PLD1: variants seen among roughly 807,000 people sequenced by gnomAD.
PLD1 encodes the protein choline phosphatase 1.
A neutral mutation model predicts 137.1 loss-of-function variants in PLD1; 112 were observed. The observed-to-expected ratio is 0.82, with a 90% confidence interval of 0.70 to 0.96. The LOEUF (loss-of-function observed/expected upper bound fraction) is 0.96, where lower values mean the gene tolerates loss of function less well. PLD1 is among the 40% of genes least tolerant of loss of function. PLD1 has a pLI of 0.00. For missense variants in PLD1, 1,321 were observed against 1,342.0 expected (o/e 0.98, Z 0.24); for synonymous variants, 431 against 454.7 (o/e 0.95, Z 0.66).
chr3:171,610,638 TATAAC>T (rs1457644248), intron 25 of PLD1, among the ~76,000 whole-genome samples: 2 of 152,348 alleles, frequency 1.3e-5, no homozygotes, highest in Admixed American at 6.5e-5. Flanking sequence ...ACTGAAAAGA[TATAAC>T]ATACATTCCA....
chr3:171,748,052 T>C (rs147390920), intron 1 of PLD1, among the ~76,000 whole-genome samples: 176 of 152,298 alleles, frequency 1.2e-3, no homozygotes, highest in African/African-American at 4.2e-3. Flanking sequence ...AAAAACAACA[T>C]ATTCTAAGTG....
intron 25 of PLD1, 76 bp from the exon 26 acceptor site, chr3:171,605,492 A>G (rs1273411624): frequency 1.5e-5 from 12 of 813,110 alleles, no homozygotes; most frequent in Non-Finnish European, 2.4e-5. Flanking sequence ...TATTATATCT[A>G]TCTCTATATA....
In PLD1 at chr3:171,602,996, T is replaced by C; in HGVS notation, c.*82A>G. Reference sequence around the variant, plus strand: ...GATACGAGAATGCGTCAGGCCTGGCTTTGGCTATGACATCCCCAGGAAGTC... The same window carrying C: ...GATACGAGAATGCGTCAGGCCTGGCCTTGGCTATGACATCCCCAGGAAGTC... On this transcript the variant is annotated 3_prime_UTR_variant, in exon 27 of 27. Coordinates refer to ENST00000351298, the MANE Select transcript of PLD1 (RefSeq NM_002662.5). 9.8e-7 allele frequency: 1 copy of C among 1,023,446 alleles called. No individual in the cohort carries two copies. The highest frequency in any genetic ancestry group is 1.5e-6 in the Non-Finnish European group (1 of 663,346). The allele number at this position is 1,023,446 out of a possible 1,614,324, so 63.4% of individuals were successfully genotyped here. A position where few individuals can be genotyped will look rare whatever the true frequency, so the allele number is the denominator to read the frequency against.
At position 171,726,091 on chromosome 3, in the gene PLD1, A is replaced by G; in HGVS notation, c.607-15T>C. 1 of 1,593,904 alleles carries G rather than the reference A, an allele frequency of 6.3e-7. No homozygotes were observed. The highest frequency in any genetic ancestry group is 8.6e-7 in the Non-Finnish European group (1 of 1,161,708). On this transcript the variant is annotated splice_polypyrimidine_tract_variant and intron_variant, in intron 6 of 26. Coordinates refer to ENST00000351298, the MANE Select transcript of PLD1 (RefSeq NM_002662.5). ...AGAAACTCTGTCTGAAAAGAAGCAA[A>G]AAATCCATCTTTAGCAAGCAAAACA...
At chr3:171,802,461 A>G (rs1349518454) in intron 1 of PLD1, among the ~76,000 whole-genome samples, 1 of 152,208 alleles carries the variant, frequency 6.6e-6, no homozygotes, top group Non-Finnish European at 1.5e-5. Flanking sequence ...CCAAATGACA[A>G]AAAAGAAGGA....
At chr3:171,648,580 A>T (rs1321712256) in intron 21 of PLD1, among the ~76,000 whole-genome samples, 1 of 149,476 alleles carries the variant, frequency 6.7e-6, no homozygotes, top group East Asian at 2.0e-4. Flanking sequence ...TTTGAGACCC[A>T]GTCTCGCTCT....
At position 171,788,149 on chromosome 3, in the gene PLD1, G is replaced by A. The variant is rs528993737; in HGVS notation, c.-32+22250C>T. Among the ~76,000 whole-genome samples, 12 of 150,776 alleles carry A rather than the reference G, an allele frequency of 8.0e-5. No homozygotes were observed. In the South Asian group the frequency reaches 1.3e-3, roughly 16 times the overall value. On this transcript the variant is annotated intron_variant, in intron 1 of 26. Coordinates refer to ENST00000351298, the MANE Select transcript of PLD1 (RefSeq NM_002662.5). ...GTTGAGGTTGCTGTGAGCTGAGATC[G>A]CGTCATTGCACTCCAGCCTTGTGAC...
chr3:171,602,100 A>T lies in PLD1; in HGVS notation c.*978T>A, dbSNP rs1047998292. ...ACGATGCCTCTGATTCTCTTGAAAG[A>T]CAAACTGTATTCACTAGTTTGATTT... On this transcript the variant is annotated 3_prime_UTR_variant, in exon 27 of 27. Coordinates refer to ENST00000351298, the MANE Select transcript of PLD1 (RefSeq NM_002662.5). The T allele has an allele frequency of 6.6e-6, 1 of 152,218 alleles. No individual in the cohort carries two copies. Among genetic ancestry groups the T allele is most frequent in the Non-Finnish European group, 1.5e-5 (1 of 68,042 alleles). 9.4% of individuals were successfully genotyped at this position (152,218 alleles called of 1,614,324 possible).
chr3:171,755,701 C>T (rs1303802740), intron 1 of PLD1, among the ~76,000 whole-genome samples: 2 of 152,160 alleles, frequency 1.3e-5, no homozygotes, highest in Non-Finnish European at 2.9e-5. Flanking sequence ...GCTTCTGTCT[C>T]CCCTAAAAGA....
chr3:171,691,848 T>C (rs982358868), intron 13 of PLD1, among the ~76,000 whole-genome samples: 1 of 44,228 alleles, frequency 2.3e-5, no homozygotes, highest in Admixed American at 2.1e-4. Flanking sequence ...GTTTTAGATA[T>C]TGGCAAAATA....
chr3:171,692,173 G>C (rs1425124794), intron 13 of PLD1, among the ~76,000 whole-genome samples, 159 bp downstream of exon 13: 61 of 152,196 alleles, frequency 4.0e-4, no homozygotes, highest in Admixed American at 4.0e-3. Context: ...GGGAAGATAA[G>C]AAAGTACAGT....
intron 12 of PLD1, among the ~76,000 whole-genome samples, chr3:171,692,885 C>T (rs1171330837): frequency 1.3e-5 from 2 of 152,136 alleles, no homozygotes; most frequent in Non-Finnish European, 2.9e-5. Flanking sequence ...AAAGGCAATA[C>T]AAGGAAGTGA....
chr3:171,696,532 G>A (rs961680210), intron 12 of PLD1, among the ~76,000 whole-genome samples: 1 of 152,146 alleles, frequency 6.6e-6, no homozygotes, highest in Non-Finnish European at 1.5e-5. Flanking sequence ...TGCACAATCA[G>A]ATAGAAGAAA....
chr3:171,622,793 T>G (rs1578124717), intron 23 of PLD1, among the ~76,000 whole-genome samples: 1 of 150,640 alleles, frequency 6.6e-6, no homozygotes, highest in Admixed American at 6.6e-5. Context: ...AAAACATACC[T>G]GAAGAATCAG....
At chr3:171,730,405 C>T (rs1306844972) in intron 6 of PLD1, among the ~76,000 whole-genome samples, 2 of 149,466 alleles carry the variant, frequency 1.3e-5, no homozygotes, top group South Asian at 4.2e-4. Context: ...CTCTCCTTTG[C>T]AGAACCACAA....
At chr3:171,660,374 T>C (rs185340543) in intron 20 of PLD1, among the ~76,000 whole-genome samples, 26 of 152,260 alleles carry the variant, frequency 1.7e-4, no homozygotes, top group African/African-American at 6.3e-4. Context: ...TTTTTCTGAA[T>C]TCATATTATA....
At chr3:171,634,343 C>G (rs557048668) in intron 23 of PLD1, among the ~76,000 whole-genome samples, 1 of 152,254 alleles carries the variant, frequency 6.6e-6, no homozygotes, top group South Asian at 2.1e-4. Context: ...CAATAATAAG[C>G]TGTTTTGCCC....
chr3:171,774,076 T>G (rs1722506583), intron 1 of PLD1, among the ~76,000 whole-genome samples: 1 of 152,190 alleles, frequency 6.6e-6, no homozygotes. Context: ...ATGATAAAAC[T>G]GAGGCGTCCA....
chr3:171,732,357 A>G (rs1246041482), intron 6 of PLD1, among the ~76,000 whole-genome samples: 1 of 152,144 alleles, frequency 6.6e-6, no homozygotes, highest in Non-Finnish European at 1.5e-5. Context: ...TTATGAAGAC[A>G]TAGAAGCTCC....
Sources: allele counts gnomAD v4.1 joint callset (sites outside exome capture counted in the v4.1 genomes callset), GRCh38; gene constraint gnomAD v4.1.1; transcripts MANE v1.5; gene names NCBI Gene and HGNC (gene_info 2026-07-23, HGNC 2026-07-21).